RIMS2: variants seen among roughly 807,000 people sequenced by gnomAD.
RIMS2 encodes regulating synaptic membrane exocytosis 2, also known as regulating synaptic membrane exocytosis protein 2.
Under a neutral mutation model 174.4 loss-of-function variants are expected in RIMS2, and 59 were observed. The observed-to-expected ratio is 0.34, with a 90% CI of 0.27 to 0.42. The LOEUF is 0.42. RIMS2 is among the 10% of genes least tolerant of loss of function. The pLI, the probability that RIMS2 is intolerant of heterozygous loss-of-function variation, is 1.00. For synonymous variants in RIMS2, 606 were observed against 572.5 expected (o/e 1.06, Z -0.84); for missense variants, 1,620 against 1,666.3 (o/e 0.97, Z 0.48).
intron 1 of RIMS2, among the ~76,000 whole-genome samples, chr8:103,626,511 TACAA>T (rs1453092899): frequency 6.6e-6 from 1 of 152,158 alleles, no homozygotes; most frequent in Non-Finnish European, 1.5e-5. Flanking sequence ...CATAAAAAAC[TACAA>T]ACAAGTTAAA....
At chr8:103,625,501 T>C (rs1453118922) in intron 1 of RIMS2, among the ~76,000 whole-genome samples, 1 of 152,198 alleles carries the variant, frequency 6.6e-6, no homozygotes, top group Admixed American at 6.5e-5. Context: ...CCTAACGCAG[T>C]AACTTAAAGT....
At chr8:103,783,614 T>C (rs1401293358) in intron 3 of RIMS2, among the ~76,000 whole-genome samples, 3 of 152,078 alleles carry the variant, frequency 2.0e-5, no homozygotes, top group African/African-American at 4.8e-5. Context: ...TTTTTATGGC[T>C]GCATAGTATT....
chr8:103,586,584 A>C (rs1390104982), intron 1 of RIMS2, among the ~76,000 whole-genome samples: 2 of 152,162 alleles, frequency 1.3e-5, no homozygotes, highest in South Asian at 2.1e-4. Flanking sequence ...AAACCTTTGG[A>C]ATGCAGCAAC....
chr8:103,533,677 A>AC (rs57164213), intron 1 of RIMS2, among the ~76,000 whole-genome samples: 16,741 of 148,188 alleles, frequency 0.11, 1,025 homozygotes, highest in Middle Eastern at 0.2. Context: ...AAAAAAAAAA[A>AC]AAAAAGAAAA....
chr8:103,567,818 C>T (rs2092486502), intron 1 of RIMS2, among the ~76,000 whole-genome samples: 1 of 152,232 alleles, frequency 6.6e-6, no homozygotes, highest in Non-Finnish European at 1.5e-5. Flanking sequence ...TCCTTCTCAA[C>T]ACTTGTTATT....
chr8:103,618,729 C>T (rs374860640), intron 1 of RIMS2, among the ~76,000 whole-genome samples: 12 of 152,238 alleles, frequency 7.9e-5, no homozygotes, highest in African/African-American at 2.9e-4. Flanking sequence ...ATGAGTACTT[C>T]ACCCAGATCA....
At chr8:103,675,978 G>A (rs1440403597) in intron 1 of RIMS2, among the ~76,000 whole-genome samples, 4 of 151,976 alleles carry the variant, frequency 2.6e-5, no homozygotes, top group Non-Finnish European at 4.4e-5. Context: ...GTGAAAAAAA[G>A]GTAGAAAATT....
At chr8:104,046,115 A>C (rs2096689452) in intron 19 of RIMS2, among the ~76,000 whole-genome samples, 1 of 152,062 alleles carries the variant, frequency 6.6e-6, no homozygotes, top group Non-Finnish European at 1.5e-5. Flanking sequence ...AATTCACAAA[A>C]ATTTATTTCT....
At chr8:104,108,721 G>A (rs920501980) in intron 19 of RIMS2, among the ~76,000 whole-genome samples, 1 of 152,068 alleles carries the variant, frequency 6.6e-6, no homozygotes, top group African/African-American at 2.4e-5. Flanking sequence ...TTAGTCTTCT[G>A]GGACTTTCTA....
intron 3 of RIMS2, among the ~76,000 whole-genome samples, chr8:103,789,389 G>T (rs2098475114): frequency 6.6e-6 from 1 of 151,946 alleles, no homozygotes; most frequent in South Asian, 2.1e-4. Flanking sequence ...TCTTTTAAAG[G>T]GCTAACATGA....
intron 15 of RIMS2, among the ~76,000 whole-genome samples, chr8:103,971,764 G>C (rs975981538): frequency 6.6e-6 from 1 of 152,006 alleles, no homozygotes; most frequent in African/African-American, 2.4e-5. Flanking sequence ...TAGAGATGGG[G>C]TTTCACCATT....
chr8:103,837,938 CTCTT>C (rs1341807470), intron 3 of RIMS2, among the ~76,000 whole-genome samples: 1 of 133,642 alleles, frequency 7.5e-6, no homozygotes, highest in Non-Finnish European at 1.6e-5. Flanking sequence ...TTCTTTCTTT[CTCTT>C]TTTTTTTTTT....
chr8:104,071,257 G>T (rs190253574), intron 19 of RIMS2, among the ~76,000 whole-genome samples: 366 of 152,248 alleles, frequency 2.4e-3, no homozygotes, highest in Non-Finnish European at 4.2e-3. Flanking sequence ...ATCATTTTAA[G>T]TTGGGAAAAA....
intron 1 of RIMS2, among the ~76,000 whole-genome samples, chr8:103,606,442 A>T (rs897110949): frequency 7.2e-5 from 11 of 152,038 alleles, no homozygotes; most frequent in African/African-American, 2.7e-4. Context: ...ATTTTGGAAT[A>T]AGTGTGGTGT....
At chr8:103,901,148 C>G (rs1050088103) in intron 4 of RIMS2, among the ~76,000 whole-genome samples, 1 of 152,048 alleles carries the variant, frequency 6.6e-6, no homozygotes, top group Non-Finnish European at 1.5e-5. Context: ...TTTGGGGAGC[C>G]CAGATAAGTA....
chr8:103,880,485 G>T, intron 3 of RIMS2: 1 of 376,708 alleles, frequency 2.7e-6, no homozygotes, highest in East Asian at 3.7e-5. Flanking sequence ...AATGAGTGTT[G>T]TTTTTGTGTA....
At chr8:103,697,185 T>C in exon 2 of RIMS2, 1 of 1,613,690 alleles carries the variant, frequency 6.2e-7, no homozygotes, top group Non-Finnish European at 8.5e-7. Context: ...CGCCAACCTG[T>C]GGTATCTGCC....
At chr8:103,989,347 C>G in exon 17 of RIMS2, 1 of 1,613,462 alleles carries the variant, frequency 6.2e-7, no homozygotes, top group South Asian at 1.1e-5. Context: ...GCACTATGAC[C>G]GGACATTATA....
chr8:104,193,171 C>G (rs981539825), intron 19 of RIMS2, among the ~76,000 whole-genome samples: 4 of 151,796 alleles, frequency 2.6e-5, no homozygotes, highest in Admixed American at 6.6e-5. Context: ...TGTATGTGCT[C>G]TTGTAAAATA....
Sources: gnomAD v4.1 joint callset for allele counts (sites outside exome capture counted in the v4.1 genomes callset) on GRCh38, gnomAD v4.1.1 for gene constraint, MANE v1.5 for transcripts, NCBI Gene and HGNC (gene_info 2026-07-23, HGNC 2026-07-21) for gene names.